RIMS1: variants seen among roughly 807,000 people sequenced by gnomAD.
RIMS1 encodes the protein regulating synaptic membrane exocytosis 1.
RIMS1 carries 83 observed loss-of-function variants against 214.1 expected under a neutral mutation model. The observed-to-expected ratio is 0.39, with a 90% CI of 0.32 to 0.47. The LOEUF (loss-of-function observed/expected upper bound fraction) is 0.47. Among genes scored for constraint, RIMS1 ranks in the 20% least tolerant of loss-of-function variants. The probability of loss-of-function intolerance (pLI) is 0.99; values close to 1 mark genes in which losing one functional copy is unlikely to be tolerated. For missense variants in RIMS1, 2,050 were observed against 2,161.8 expected (o/e 0.95, Z 1.03); for synonymous variants, 793 against 786.8 (o/e 1.01, Z -0.13).
At chr6:71,993,708 C>T (rs959726926) in intron 2 of RIMS1, among the ~76,000 whole-genome samples, 2 of 152,086 alleles carry the variant, frequency 1.3e-5, no homozygotes, top group African/African-American at 4.8e-5. Flanking sequence ...CTACATCAAC[C>T]GTTTTTATTC....
At chr6:72,181,976 C>T (rs1234053454) in intron 5 of RIMS1, among the ~76,000 whole-genome samples, 2 of 152,132 alleles carry the variant, frequency 1.3e-5, no homozygotes, top group African/African-American at 4.8e-5. Flanking sequence ...TATTTTTCAG[C>T]ATTTCAAGAA....
At chr6:72,040,918 C>T (rs904725166) in intron 2 of RIMS1, among the ~76,000 whole-genome samples, 3 of 151,782 alleles carry the variant, frequency 2.0e-5, no homozygotes, top group Non-Finnish European at 4.4e-5. Flanking sequence ...TGTGTCCCTA[C>T]AACCCTACAA....
At chr6:72,020,135 G>A (rs1814156526) in intron 2 of RIMS1, among the ~76,000 whole-genome samples, 1 of 152,118 alleles carries the variant, frequency 6.6e-6, no homozygotes, top group African/African-American at 2.4e-5. Context: ...ACATATCAAA[G>A]TTAGTTCTAC....
intron 1 of RIMS1, among the ~76,000 whole-genome samples, chr6:71,930,163 G>A (rs753639624): frequency 4.6e-5 from 7 of 151,932 alleles, no homozygotes; most frequent in Non-Finnish European, 1.0e-4. Flanking sequence ...TTGTATTCTC[G>A]TTTCTACCAA....
At chr6:72,229,126 A>G (rs1031131157) in intron 6 of RIMS1, among the ~76,000 whole-genome samples, 6 of 151,828 alleles carry the variant, frequency 4.0e-5, no homozygotes, top group Non-Finnish European at 5.9e-5. Flanking sequence ...GCTGAAGCCC[A>G]GTGGTCTGAA....
chr6:72,352,384 G>T (rs1389903349), intron 29 of RIMS1, among the ~76,000 whole-genome samples: 2 of 152,116 alleles, frequency 1.3e-5, no homozygotes, highest in African/African-American at 2.4e-5. Context: ...CTAAAACTCA[G>T]AAAGATTAAT....
chr6:72,088,395 C>T (rs528743533), intron 2 of RIMS1, among the ~76,000 whole-genome samples: 189 of 152,002 alleles, frequency 1.2e-3, no homozygotes, highest in African/African-American at 4.1e-3. Context: ...ATTACAGGCG[C>T]CTGCCACCAC....
At chr6:72,002,505 G>C (rs1238806877) in intron 2 of RIMS1, among the ~76,000 whole-genome samples, 1 of 152,168 alleles carries the variant, frequency 6.6e-6, no homozygotes, top group African/African-American at 2.4e-5. Context: ...GACCAAAGAT[G>C]CATGGGGTAG....
intron 10 of RIMS1, among the ~76,000 whole-genome samples, chr6:72,243,138 T>G (rs919686721): frequency 3.3e-5 from 5 of 151,822 alleles, no homozygotes; most frequent in Non-Finnish European, 7.4e-5. Context: ...TTGAACTGTT[T>G]TATTATACTT....
In RIMS1 at chr6:72,101,576, T is replaced by C. The variant is rs138798072; in HGVS notation, c.471+1590T>C. ...TTTAGTAGAGAAATTATAATTTACA[T>C]GTGTGTGGTGTTGGTATGGGTGGAA... On this transcript the variant is annotated intron_variant, in intron 4 of 33. Transcript: ENST00000521978. Among the ~76,000 whole-genome samples, 1,139 of 151,988 alleles carry C rather than the reference T, an allele frequency of 7.5e-3. 13 individuals are homozygous for C. Among genetic ancestry groups the C allele is most frequent in the African/African-American group, 0.026 (1,092 of 41,530 alleles).
At chr6:72,036,820 G>A (rs982337471) in intron 2 of RIMS1, among the ~76,000 whole-genome samples, 7 of 152,126 alleles carry the variant, frequency 4.6e-5, no homozygotes, top group African/African-American at 1.2e-4. Context: ...AAGTTGTCAC[G>A]CATGTAGAGT....
At chr6:71,982,814 C>T (rs1314592516) in intron 2 of RIMS1, among the ~76,000 whole-genome samples, 6 of 152,136 alleles carry the variant, frequency 3.9e-5, no homozygotes, top group Admixed American at 3.9e-4. Flanking sequence ...TCATCCCACC[C>T]AGCTTTGCTC....
chr6:72,179,998 C>G, intron 5 of RIMS1, 83 bp downstream of exon 5: 3 of 963,716 alleles, frequency 3.1e-6, no homozygotes, highest in Non-Finnish European at 4.4e-6. Context: ...ACTTCTATTA[C>G]GAGGAATATG....
At chr6:72,313,108 A>C (rs2095593397) in intron 27 of RIMS1, among the ~76,000 whole-genome samples, 1 of 152,152 alleles carries the variant, frequency 6.6e-6, no homozygotes, top group South Asian at 2.1e-4. Flanking sequence ...TTGATTAGGA[A>C]TGCTCAGCCT....
chr6:72,316,772 GC>G, intron 28 of RIMS1: 1 of 697,540 alleles, frequency 1.4e-6, no homozygotes, highest in South Asian at 1.4e-5. Context: ...AGTAGGCAGG[GC>G]CAGTTGACGG....
intron 27 of RIMS1, among the ~76,000 whole-genome samples, chr6:72,311,966 G>A (rs931010363): frequency 6.6e-6 from 1 of 152,124 alleles, no homozygotes; most frequent in Non-Finnish European, 1.5e-5. Context: ...GGGAGAATCT[G>A]TCTCCAAAAA....
At chr6:72,295,057 G>A (rs1442809748) in intron 26 of RIMS1, among the ~76,000 whole-genome samples, 4 of 151,752 alleles carry the variant, frequency 2.6e-5, no homozygotes, top group Non-Finnish European at 5.9e-5. Flanking sequence ...GATTTCTGAA[G>A]CCAACCAGTA....
At chr6:72,068,494 G>T (rs1056017749) in intron 2 of RIMS1, among the ~76,000 whole-genome samples, 1 of 152,192 alleles carries the variant, frequency 6.6e-6, no homozygotes, top group Non-Finnish European at 1.5e-5. Context: ...TAACAATAAA[G>T]CTGGGAGAAG....
chr6:72,035,844 A>T (rs915516919), intron 2 of RIMS1, among the ~76,000 whole-genome samples: 1 of 152,178 alleles, frequency 6.6e-6, no homozygotes, highest in Non-Finnish European at 1.5e-5. Flanking sequence ...GAAAAGCCAC[A>T]GGGGAAACTG....
Sources: allele counts gnomAD v4.1 joint callset (sites outside exome capture counted in the v4.1 genomes callset), GRCh38; gene constraint gnomAD v4.1.1; transcripts MANE v1.5; gene names NCBI Gene and HGNC (gene_info 2026-07-23, HGNC 2026-07-21).